The following FAM135B variants were observed in gnomAD, a reference collection of about 807,000 sequenced individuals.
FAM135B encodes the protein family with sequence similarity 135 member B.
FAM135B carries 43 observed loss-of-function variants against 127.7 expected under a neutral mutation model. That is an observed-to-expected ratio of 0.34 (90% CI 0.26 to 0.43). FAM135B has a LOEUF of 0.43. Ranked by LOEUF, FAM135B falls within the 20% of genes least tolerant of loss-of-function variation. The pLI is 1.00. For synonymous variants in FAM135B, 670 were observed against 665.1 expected (o/e 1.01, Z -0.11); for missense variants, 1,558 against 1,725.6 (o/e 0.90, Z 1.72).
intron 2 of FAM135B, among the ~76,000 whole-genome samples, chr8:138,323,012 A>C (rs1222060802): frequency 6.6e-6 from 1 of 152,174 alleles, no homozygotes; most frequent in African/African-American, 2.4e-5. Context: ...TGCGCCCACC[A>C]CTGTAGGACT....
intron 7 of FAM135B, among the ~76,000 whole-genome samples, chr8:138,217,209 A>G (rs1452767797): frequency 6.6e-6 from 1 of 152,190 alleles, no homozygotes; most frequent in African/African-American, 2.4e-5. Flanking sequence ...ATATTTATGT[A>G]AATAGTAACT....
intron 3 of FAM135B, among the ~76,000 whole-genome samples, chr8:138,270,437 T>A (rs192118547): frequency 1.3e-5 from 2 of 152,286 alleles, no homozygotes; most frequent in African/African-American, 4.8e-5. Context: ...AGAAGGTTGG[T>A]TTGGCTACAT....
At chr8:138,388,063 C>T (rs1001129399) in intron 1 of FAM135B, among the ~76,000 whole-genome samples, 5 of 151,972 alleles carry the variant, frequency 3.3e-5, no homozygotes, top group African/African-American at 1.2e-4. Flanking sequence ...AATGAGATAC[C>T]CCGATTAAAA....
chr8:138,243,197 A>AG lies in FAM135B; in HGVS notation c.543-130dup, dbSNP rs1820982314. On this transcript the variant is annotated intron_variant, in intron 6 of 19. Transcript: ENST00000395297. The surrounding 1 kb of genome is among the most constrained non-coding windows in gnomAD (Gnocchi z 7.5). ...GTCATTTAGGAGTAGTTCACCCCCT[A>AG]GGGAGTGTTTGCATGTGACATTTGT... The AG allele has an allele frequency of 9.1e-6, 10 of 1,093,432 alleles. 1 individual carries two copies. The South Asian group carries it at 1.8e-4, about 20-fold the overall frequency. The allele number at this position is 1,093,432 out of a possible 1,614,324, so 67.7% of individuals were successfully genotyped here. A position where few individuals can be genotyped will look rare whatever the true frequency, so the allele number is the denominator to read the frequency against.
chr8:138,372,229 T>G (rs1831175104), intron 1 of FAM135B, among the ~76,000 whole-genome samples: 1 of 152,238 alleles, frequency 6.6e-6, no homozygotes, highest in Non-Finnish European at 1.5e-5. Flanking sequence ...CCCTTGGTAC[T>G]GCCCTTCACT....
intron 7 of FAM135B, among the ~76,000 whole-genome samples, chr8:138,199,021 C>T (rs147565882): frequency 6.6e-6 from 1 of 152,292 alleles, no homozygotes; most frequent in East Asian, 1.9e-4. Flanking sequence ...GGTGGCATTT[C>T]ACCCTTGGCT....
chr8:138,136,997 G>T lies in FAM135B; in HGVS notation c.4015+150C>A, dbSNP rs759610531. On this transcript the variant is annotated intron_variant, in intron 19 of 19. Coordinates refer to ENST00000395297, the MANE Select transcript of FAM135B (RefSeq NM_015912.4). ...AGGAAGGATCTGGCACAGTAACATC[G>T]AGATGAGCTATGTTTGTCCTATCAC... 4.9e-6 allele frequency: 3 copies of T among 613,838 alleles called. No individual in the cohort carries two copies. The East Asian group carries it at 8.2e-5, about 17-fold the overall frequency. 38.0% of individuals were successfully genotyped at this position (613,838 alleles called of 1,614,324 possible).
At chr8:138,334,988 G>A (rs1438766632) in intron 2 of FAM135B, among the ~76,000 whole-genome samples, 1 of 152,180 alleles carries the variant, frequency 6.6e-6, no homozygotes, top group Non-Finnish European at 1.5e-5. Flanking sequence ...TAATCCTTAT[G>A]CATGCAGAAG....
chr8:138,245,199 ACT>A (rs1176723292), intron 6 of FAM135B, among the ~76,000 whole-genome samples: 1 of 151,994 alleles, frequency 6.6e-6, no homozygotes, highest in African/African-American at 2.4e-5. Context: ...CTTGCAAAAG[ACT>A]CTTTCTGTCG....
intron 2 of FAM135B, among the ~76,000 whole-genome samples, chr8:138,351,763 C>G (rs961271240): frequency 6.7e-6 from 1 of 148,618 alleles, no homozygotes; most frequent in African/African-American, 2.5e-5. Context: ...AATCTCACCT[C>G]ATGGCAACTT....
At chr8:138,345,290 T>C (rs1431631374) in intron 2 of FAM135B, among the ~76,000 whole-genome samples, 2 of 152,030 alleles carry the variant, frequency 1.3e-5, no homozygotes, top group African/African-American at 2.4e-5. Context: ...AAGGAGAGCA[T>C]GGGGGAGGCT....
intron 1 of FAM135B, among the ~76,000 whole-genome samples, chr8:138,450,076 T>C (rs1485832632): frequency 2.0e-5 from 3 of 152,222 alleles, no homozygotes; most frequent in Non-Finnish European, 4.4e-5. Flanking sequence ...CCATAGTTTT[T>C]CTTTGCCCAG....
chr8:138,310,028 C>T (rs1826557477), intron 3 of FAM135B, among the ~76,000 whole-genome samples: 1 of 152,026 alleles, frequency 6.6e-6, no homozygotes, highest in African/African-American at 2.4e-5. Context: ...GCCACCATGC[C>T]TGGCTAATTT....
In FAM135B at chr8:138,386,683, T is replaced by A. The variant is rs1182837566; in HGVS notation, c.-19-18681A>T. ...TTTTTGGCATGAATTAATCATGAAC[T>A]TATGCTTTTTAATTTTTTAAAACAA... On this transcript the variant is annotated intron_variant, in intron 1 of 19. Coordinates refer to ENST00000395297, the MANE Select transcript of FAM135B (RefSeq NM_015912.4). 2.6e-5 allele frequency among the ~76,000 whole-genome samples: 4 copies of A among 152,352 alleles called. No individual in the cohort carries two copies. In the East Asian group the frequency reaches 5.8e-4, roughly 22 times the overall value.
chr8:138,202,399 A>C (rs1817210450), intron 7 of FAM135B, among the ~76,000 whole-genome samples: 1 of 152,048 alleles, frequency 6.6e-6, no homozygotes, highest in Non-Finnish European at 1.5e-5. Context: ...ACAGGCATGC[A>C]CCATCACACT....
chr8:138,226,184 T>TGTGTGTGTGTGTGTGCGCGCGCACGC, intron 7 of FAM135B, among the ~76,000 whole-genome samples: 1 of 139,292 alleles, frequency 7.2e-6, no homozygotes, highest in South Asian at 2.3e-4. Context: ...TGTGTGTGTG[T>TGTGTGTGTGTGTGTGCGCGCGCACGC]GCGCGCATGT....
At chr8:138,210,251 C>T (rs892919069) in intron 7 of FAM135B, among the ~76,000 whole-genome samples, 13 of 152,116 alleles carry the variant, frequency 8.5e-5, no homozygotes, top group African/African-American at 2.9e-4. Context: ...TTTAATTATA[C>T]AAGGCATTAA....
chr8:138,488,281 A>C (rs900453099), intron 1 of FAM135B, among the ~76,000 whole-genome samples: 10 of 152,084 alleles, frequency 6.6e-5, no homozygotes, highest in African/African-American at 2.4e-4. Flanking sequence ...GGGTGTCAGG[A>C]ACTATTCTAA....
chr8:138,320,869 G>T (rs1282196783), intron 2 of FAM135B, among the ~76,000 whole-genome samples: 4 of 152,176 alleles, frequency 2.6e-5, no homozygotes, highest in Admixed American at 1.3e-4. Flanking sequence ...GAGTGATAAA[G>T]AATCCACATG....
Sources: gnomAD v4.1 joint callset for allele counts (sites outside exome capture counted in the v4.1 genomes callset) on GRCh38, gnomAD v4.1.1 for gene constraint, Gnocchi (gnomAD v3.1) non-coding constraint, MANE v1.5 for transcripts, NCBI Gene and HGNC (gene_info 2026-07-23, HGNC 2026-07-21) for gene names.